NTM: variants seen among roughly 807,000 people sequenced by gnomAD.
NTM encodes neurotrimin.
Under a neutral mutation model 42.1 loss-of-function variants are expected in NTM, and 13 were observed. That is an observed-to-expected ratio of 0.31 (90% CI 0.20 to 0.49). NTM has a LOEUF of 0.49. NTM is among the 20% of genes least tolerant of loss of function. The pLI is 0.99. For synonymous variants in NTM, 187 were observed against 179.2 expected, an observed-to-expected ratio of 1.04 and a Z score of -0.35; for missense variants, 373 against 452.8, an observed-to-expected ratio of 0.82 and a Z score of 1.60.
intron 1 of NTM, among the ~76,000 whole-genome samples, chr11:131,816,937 T>A (rs1024516523): frequency 6.6e-6 from 1 of 152,186 alleles, no homozygotes; most frequent in Non-Finnish European, 1.5e-5. Context: ...GGTTTCTGAG[T>A]GTCTGGAACT....
chr11:131,416,487 C>T (rs1435709528), intron 1 of NTM, among the ~76,000 whole-genome samples: 1 of 152,200 alleles, frequency 6.6e-6, no homozygotes, highest in Admixed American at 6.5e-5. Flanking sequence ...CATAGCCTGT[C>T]TGCCACCTTC....
chr11:132,329,500 G>A (rs1406791537), intron 7 of NTM, among the ~76,000 whole-genome samples: 8 of 152,314 alleles, frequency 5.3e-5, no homozygotes, highest in African/African-American at 1.7e-4. Flanking sequence ...GGTCAGAGCC[G>A]CAGGCTGCCC....
chr11:131,763,709 C>CTCTTTTT (rs2084620795), intron 1 of NTM, among the ~76,000 whole-genome samples: 1 of 71,362 alleles, frequency 1.4e-5, no homozygotes, highest in African/African-American at 5.6e-5. Flanking sequence ...ATCTCTCTCT[C>CTCTTTTT]TTTTTTTTTT....
At chr11:132,062,053 C>A (rs939257358) in intron 2 of NTM, among the ~76,000 whole-genome samples, 2 of 152,194 alleles carry the variant, frequency 1.3e-5, no homozygotes, top group Admixed American at 6.5e-5. Context: ...AATCAAACTC[C>A]GCTGTGTGAT....
At chr11:131,641,867 C>T (rs751941850) in intron 1 of NTM, among the ~76,000 whole-genome samples, 22 of 152,032 alleles carry the variant, frequency 1.4e-4, no homozygotes, top group East Asian at 5.8e-4. Context: ...GCTGGGACTA[C>T]GGGCACATGC....
chr11:132,164,057 A>G (rs1375049492), intron 3 of NTM, among the ~76,000 whole-genome samples: 2 of 152,176 alleles, frequency 1.3e-5, no homozygotes, highest in East Asian at 1.9e-4. Context: ...CAGATCTCCC[A>G]TCTCTCTTCC....
At chr11:131,470,074 T>A (rs903115693) in intron 1 of NTM, among the ~76,000 whole-genome samples, 2 of 152,208 alleles carry the variant, frequency 1.3e-5, no homozygotes, top group Admixed American at 6.5e-5. Flanking sequence ...GTGTGTCTCA[T>A]CTACATGGAC....
chr11:132,031,401 C>T (rs1309990806), intron 2 of NTM, among the ~76,000 whole-genome samples: 9 of 152,084 alleles, frequency 5.9e-5, no homozygotes, highest in African/African-American at 1.9e-4. Flanking sequence ...AGACTGTTGC[C>T]GTATTCCAGA....
intron 1 of NTM, among the ~76,000 whole-genome samples, chr11:131,580,632 G>T (rs538147062): frequency 6.6e-6 from 1 of 152,292 alleles, no homozygotes; most frequent in African/African-American, 2.4e-5. Context: ...GGGGATGGGA[G>T]TTGAGAAGGA....
intron 1 of NTM, among the ~76,000 whole-genome samples, chr11:131,719,435 A>G (rs1349709583): frequency 6.6e-6 from 1 of 152,194 alleles, no homozygotes; most frequent in Non-Finnish European, 1.5e-5. Context: ...TAGCGCTTCT[A>G]AAAAATGCAT....
chr11:131,842,105 G>T (rs2044333556), intron 1 of NTM, among the ~76,000 whole-genome samples: 2 of 152,238 alleles, frequency 1.3e-5, no homozygotes, highest in Non-Finnish European at 2.9e-5. Flanking sequence ...CCTCAGTGGA[G>T]TCAGAGGTTA....
intron 2 of NTM, among the ~76,000 whole-genome samples, chr11:132,126,386 T>G (rs2065841559): frequency 6.6e-6 from 1 of 152,102 alleles, no homozygotes; most frequent in African/African-American, 2.4e-5. Flanking sequence ...CCTTCTACTT[T>G]TTTTCCTTCC....
intron 1 of NTM, among the ~76,000 whole-genome samples, chr11:131,785,183 C>T (rs768490035): frequency 6.6e-5 from 10 of 152,128 alleles, no homozygotes; most frequent in Non-Finnish European, 1.5e-4. Context: ...TGAAGCTGAC[C>T]CGTACAGCTT....
intron 1 of NTM, among the ~76,000 whole-genome samples, chr11:131,452,716 A>G (rs1461659523): frequency 1.3e-5 from 2 of 152,184 alleles, no homozygotes; most frequent in East Asian, 3.9e-4. Context: ...GGTTCTTGGT[A>G]TGAGCCCAGC....
chr11:132,251,948 T>A (rs971849451), intron 4 of NTM, among the ~76,000 whole-genome samples: 1 of 152,154 alleles, frequency 6.6e-6, no homozygotes, highest in Non-Finnish European at 1.5e-5. Flanking sequence ...AAAGCACAGG[T>A]GCTCCAAACC....
intron 2 of NTM, among the ~76,000 whole-genome samples, chr11:132,114,733 A>T (rs565989706): frequency 2.0e-4 from 30 of 152,328 alleles, no homozygotes; most frequent in African/African-American, 7.2e-4. Context: ...TAAGATGAGG[A>T]AACCTAAATT....
At chr11:131,526,109 T>TTGA (rs1491329131) in intron 1 of NTM, among the ~76,000 whole-genome samples, 1 of 152,198 alleles carries the variant, frequency 6.6e-6, no homozygotes, top group East Asian at 1.9e-4. Context: ...GCAAGAACTA[T>TTGA]TGACCCATTT....
At chr11:132,282,786 T>G (rs1014794901) in intron 4 of NTM, among the ~76,000 whole-genome samples, 1 of 152,120 alleles carries the variant, frequency 6.6e-6, no homozygotes, top group Admixed American at 6.5e-5. Flanking sequence ...ACACAAAATC[T>G]TCTTACAATC....
chr11:131,828,166 G>A (rs1249420513), intron 1 of NTM, among the ~76,000 whole-genome samples: 3 of 151,882 alleles, frequency 2.0e-5, no homozygotes, highest in African/African-American at 7.3e-5. Context: ...ACGTTTTTAG[G>A]TCTAAGTGAG....
Sources: allele counts gnomAD v4.1 joint callset (sites outside exome capture counted in the v4.1 genomes callset), GRCh38; gene constraint gnomAD v4.1.1; transcripts MANE v1.5; gene names NCBI Gene and HGNC (gene_info 2026-07-23, HGNC 2026-07-21).